SYNPO2: variants seen among roughly 807,000 people sequenced by gnomAD.
SYNPO2 encodes the protein synaptopodin 2.
SYNPO2 carries 56 observed loss-of-function variants against 85.0 expected under a neutral mutation model. The ratio of observed to expected loss-of-function variants is 0.66; its 90% CI spans 0.53 to 0.82. The LOEUF (loss-of-function observed/expected upper bound fraction) is 0.82, where lower values mean the gene tolerates loss of function less well. SYNPO2 is among the 40% of genes least tolerant of loss of function. SYNPO2 has a pLI of 0.00. For missense variants in SYNPO2, 1,575 were observed against 1,534.2 expected (o/e 1.03, Z -0.44); for synonymous variants, 602 against 591.1 (o/e 1.02, Z -0.27).
At position 118,932,785 on chromosome 4, in the gene SYNPO2, G is replaced by A. The variant is rs115262852; in HGVS notation, c.105+43644G>A. Among the ~76,000 whole-genome samples the A allele has an allele frequency of 1.7e-3, 261 of 152,300 alleles. 2 individuals are homozygous for A. Among genetic ancestry groups the A allele is most frequent in the African/African-American group, 5.8e-3 (240 of 41,554 alleles). On this transcript the variant is annotated intron_variant, in intron 1 of 4. Transcript: ENST00000307142. ...AAGTGGTCGATAGTTCATTGGGATC[G>A]TTGTATTGAAACAAGAACCTGTCTT...
At chr4:118,879,857 T>A (rs7695141) in intron 1 of SYNPO2, among the ~76,000 whole-genome samples, 2 of 151,944 alleles carry the variant, frequency 1.3e-5, no homozygotes, top group Non-Finnish European at 2.9e-5. Context: ...CTGCCCTTGA[T>A]GTCCCGCCTC....
At chr4:119,001,532 G>C (rs188978520) in intron 1 of SYNPO2, among the ~76,000 whole-genome samples, 7 of 152,276 alleles carry the variant, frequency 4.6e-5, no homozygotes, top group Admixed American at 4.6e-4. Flanking sequence ...TATTTGTCCA[G>C]AGTTTAAGTT....
At chr4:118,944,528 G>A (rs1296018381) in intron 1 of SYNPO2, among the ~76,000 whole-genome samples, 1 of 152,084 alleles carries the variant, frequency 6.6e-6, no homozygotes, top group African/African-American at 2.4e-5. Context: ...CCAAAACTAA[G>A]CTAAGCCACT....
At position 118,863,353 on chromosome 4, in the gene SYNPO2, AGGGTTT is replaced by A. The variant is rs540892739; in HGVS notation, c.12+12416_12+12421del. Among the ~76,000 whole-genome samples, 3 of 152,260 alleles carry A rather than the reference AGGGTTT, an allele frequency of 2.0e-5. No individual in the cohort carries two copies. The South Asian group carries it at 6.2e-4, about 32-fold the overall frequency. On this transcript the variant is annotated intron_variant, in intron 1 of 4. Coordinates refer to the SYNPO2 transcript ENST00000610556. ...CTTGTTATTTGTTATTGGTCTGTTC[AGGGTTT>A]GGATTTCTTCTTGGTTCAATCTTGG...
chr4:118,945,653 T>C (rs1177178516), intron 1 of SYNPO2, among the ~76,000 whole-genome samples: 1 of 152,210 alleles, frequency 6.6e-6, no homozygotes, highest in Non-Finnish European at 1.5e-5. Context: ...TAGGGTACTA[T>C]ATACATGTAG....
intron 4 of SYNPO2, chr4:119,038,467 A>G (rs755996664): frequency 1.0e-4 from 99 of 985,266 alleles, no homozygotes; most frequent in Admixed American, 7.4e-4. Context: ...TTGGCTGGGA[A>G]TGGGGAAGAA....
chr4:118,906,290 CA>C (rs1413502389), intron 1 of SYNPO2, among the ~76,000 whole-genome samples: 1 of 151,924 alleles, frequency 6.6e-6, no homozygotes, highest in Non-Finnish European at 1.5e-5. Context: ...TGTGTGTGTT[CA>C]GATTTTTAAT....
chr4:119,058,708 C>T lies in SYNPO2; in HGVS notation c.*774C>T, dbSNP rs1488588507. The T allele has an allele frequency of 2.6e-5, 4 of 151,842 alleles. No individual in the cohort carries two copies. The highest frequency in any genetic ancestry group is 4.4e-5 in the Non-Finnish European group (3 of 67,988). 9.4% of individuals were successfully genotyped at this position (151,842 alleles called of 1,614,324 possible). A position where few individuals can be genotyped will look rare whatever the true frequency, so the allele number is the denominator to read the frequency against. ...CAGACTGGTCTTGAACTCCTGACCT[C>T]GTGATCTGCCCGCCTCAGCCTCCCA... On this transcript the variant is annotated 3_prime_UTR_variant, in exon 5 of 5. Coordinates refer to ENST00000307142, the MANE Select transcript of SYNPO2 (RefSeq NM_133477.3).
intron 1 of SYNPO2, among the ~76,000 whole-genome samples, chr4:118,871,806 T>C (rs1731808463): frequency 6.6e-6 from 1 of 152,150 alleles, no homozygotes; most frequent in Admixed American, 6.5e-5. Context: ...CCTGACCTCG[T>C]AATCCGCCCG....
At chr4:118,862,137 T>C (rs1342327655) in intron 1 of SYNPO2, among the ~76,000 whole-genome samples, 2 of 152,206 alleles carry the variant, frequency 1.3e-5, no homozygotes, top group Non-Finnish European at 2.9e-5. Context: ...TTTCATTTTG[T>C]TTGCTGTTGG....
chr4:119,032,929 T>TAA, intron 4 of SYNPO2: 3 of 905,312 alleles, frequency 3.3e-6, no homozygotes, highest in Non-Finnish European at 4.0e-6. Context: ...AAAGGTTGAT[T>TAA]CCCACCCTCC....
intron 1 of SYNPO2, among the ~76,000 whole-genome samples, chr4:118,928,066 G>A (rs965385700): frequency 1.3e-5 from 2 of 152,166 alleles, no homozygotes; most frequent in Non-Finnish European, 2.9e-5. Context: ...TCCCATCACA[G>A]GAGGTTTGCT....
intron 1 of SYNPO2, among the ~76,000 whole-genome samples, chr4:118,971,274 C>T (rs908984426): frequency 1.3e-5 from 2 of 152,084 alleles, no homozygotes; most frequent in South Asian, 2.1e-4. Flanking sequence ...GAAAACAAAG[C>T]GAACCCATGA....
At chr4:118,880,349 T>C (rs75113234) in intron 1 of SYNPO2, among the ~76,000 whole-genome samples, 3,836 of 152,274 alleles carry the variant, frequency 0.025, 68 homozygotes, top group African/African-American at 0.04. Flanking sequence ...AGACCTAATC[T>C]CCAGTACCTC....
intron 1 of SYNPO2, among the ~76,000 whole-genome samples, chr4:118,904,338 A>C (rs1732860509): frequency 1.3e-5 from 2 of 152,212 alleles, no homozygotes; most frequent in South Asian, 4.1e-4. Context: ...GTGATTTTTG[A>C]GACCCGGATG....
At chr4:118,975,895 A>G (rs1264018413) in intron 1 of SYNPO2, among the ~76,000 whole-genome samples, 1 of 152,268 alleles carries the variant, frequency 6.6e-6, no homozygotes, top group Admixed American at 6.5e-5. Flanking sequence ...CACAAGTCCC[A>G]TAACTTTTGT....
chr4:119,022,248 C>T (rs1052274327), intron 1 of SYNPO2, among the ~76,000 whole-genome samples: 1 of 152,096 alleles, frequency 6.6e-6, no homozygotes, highest in African/African-American at 2.4e-5. Context: ...TTCACCTTGG[C>T]AATGGGAAGG....
chr4:118,874,961 C>T (rs1034409876), intron 1 of SYNPO2, among the ~76,000 whole-genome samples: 4 of 152,082 alleles, frequency 2.6e-5, no homozygotes, highest in African/African-American at 9.7e-5. Flanking sequence ...ACAGATCATC[C>T]CACCACCCAG....
At chr4:118,978,064 G>T (rs1735859241) in intron 1 of SYNPO2, among the ~76,000 whole-genome samples, 1 of 152,202 alleles carries the variant, frequency 6.6e-6, no homozygotes, top group South Asian at 2.1e-4. Flanking sequence ...AGAATTTGTG[G>T]ATTGGGAATT....
Sources: allele counts gnomAD v4.1 joint callset (sites outside exome capture counted in the v4.1 genomes callset), GRCh38; gene constraint gnomAD v4.1.1; transcripts MANE v1.5; gene names NCBI Gene and HGNC (gene_info 2026-07-23, HGNC 2026-07-21).